WARS2: variants seen among roughly 807,000 people sequenced by gnomAD.
WARS2 encodes tryptophanyl tRNA synthetase 2, mitochondrial, also known as tryptophan--tRNA ligase, mitochondrial.
A neutral mutation model predicts 36.5 loss-of-function variants in WARS2; 28 were observed. That is an observed-to-expected ratio of 0.77 (90% CI 0.57 to 1.05). WARS2 has a LOEUF of 1.05. Among genes scored for constraint, WARS2 ranks in the 50% least tolerant of loss-of-function variants. WARS2 has a pLI of 0.00. For synonymous variants in WARS2, 174 were observed against 178.4 expected (o/e 0.98, Z 0.20); for missense variants, 435 against 456.8 (o/e 0.95, Z 0.44).
At chr1:119,112,472 G>A (rs587696065) in intron 1 of WARS2, among the ~76,000 whole-genome samples, 1 of 152,266 alleles carries the variant, frequency 6.6e-6, no homozygotes, top group South Asian at 2.1e-4. Context: ...ATAAAAACAG[G>A]TGTTAAATCA....
intron 1 of WARS2, among the ~76,000 whole-genome samples, chr1:119,106,523 A>G (rs587771988): frequency 1.3e-5 from 2 of 152,158 alleles, no homozygotes; most frequent in East Asian, 3.9e-4. Context: ...TGTCCCCATA[A>G]TTTTGCCTTT....
chr1:119,098,164 G>A (rs201378961), intron 1 of WARS2, among the ~76,000 whole-genome samples: 1 of 151,962 alleles, frequency 6.6e-6, no homozygotes, highest in East Asian at 2.0e-4. Flanking sequence ...CAGAAGAATC[G>A]CTTGAACCCA....
chr1:119,055,451 A>G (rs1325633818), intron 2 of WARS2, among the ~76,000 whole-genome samples: 1 of 152,134 alleles, frequency 6.6e-6, no homozygotes, highest in Non-Finnish European at 1.5e-5. Context: ...CATCTCTACT[A>G]AAAATACAAA....
chr1:119,083,217 C>A (rs1652348173), intron 1 of WARS2, among the ~76,000 whole-genome samples: 1 of 151,960 alleles, frequency 6.6e-6, no homozygotes, highest in African/African-American at 2.4e-5. Context: ...TGACAGAGCG[C>A]TACTCCATCT....
At chr1:119,063,374 A>T (rs6428790) in intron 2 of WARS2, 1 of 152,092 alleles carries the variant, frequency 6.6e-6, no homozygotes, top group African/African-American at 2.4e-5. Flanking sequence ...CTGACTATGC[A>T]AAACCAATTT....
intron 1 of WARS2, chr1:119,082,400 T>C: frequency 1.0e-6 from 1 of 985,438 alleles, no homozygotes; most frequent in Non-Finnish European, 1.2e-6. Context: ...GTGATGAAAT[T>C]TAGCTATCAG....
At chr1:119,128,847 C>T (rs1655882049) in intron 1 of WARS2, among the ~76,000 whole-genome samples, 1 of 151,956 alleles carries the variant, frequency 6.6e-6, no homozygotes, top group Non-Finnish European at 1.5e-5. Context: ...GACCAAAAAC[C>T]CTGCTAGTTA....
chr1:119,128,533 G>C (rs1044775902), intron 1 of WARS2, among the ~76,000 whole-genome samples: 1 of 151,944 alleles, frequency 6.6e-6, no homozygotes, highest in Non-Finnish European at 1.5e-5. Flanking sequence ...GGTTTGAACT[G>C]AGAGAAGTTT....
chr1:119,085,504 C>A (rs894185209), intron 1 of WARS2: 97 of 1,584,930 alleles, frequency 6.1e-5, no homozygotes, highest in Non-Finnish European at 8.0e-5. Context: ...GGTTTTTCAT[C>A]TTCAGAGCTC....
chr1:119,054,283 A>G (rs1276439842), intron 2 of WARS2, among the ~76,000 whole-genome samples: 3 of 152,016 alleles, frequency 2.0e-5, no homozygotes, highest in Admixed American at 6.6e-5. Context: ...GCCAACAAAC[A>G]TATGAAAGAG....
At chr1:119,109,633 T>C (rs962452566) in intron 1 of WARS2, among the ~76,000 whole-genome samples, 1 of 151,926 alleles carries the variant, frequency 6.6e-6, no homozygotes. Flanking sequence ...TTGATTCTTG[T>C]TGGTTTTTTT....
At chr1:119,034,236 A>T in intron 4 of WARS2, 23 bp from the exon 5 acceptor site, 1 of 1,582,776 alleles carries the variant, frequency 6.3e-7, no homozygotes, top group Non-Finnish European at 8.7e-7. Flanking sequence ...ACAGACAGAA[A>T]AACAACAGCA....
intron 1 of WARS2, among the ~76,000 whole-genome samples, chr1:119,078,557 G>A (rs1651914238): frequency 6.6e-6 from 1 of 151,952 alleles, no homozygotes; most frequent in African/African-American, 2.4e-5. Context: ...TCTCATTATG[G>A]TTTAACTCTC....
intron 1 of WARS2, among the ~76,000 whole-genome samples, chr1:119,095,046 T>C (rs1653325997): frequency 6.6e-6 from 1 of 152,176 alleles, no homozygotes; most frequent in African/African-American, 2.4e-5. Flanking sequence ...ATTAATTTTC[T>C]TTTGGAGGTT....
chr1:119,035,376 CCTTT>C (rs1647789317), intron 4 of WARS2, among the ~76,000 whole-genome samples: 1 of 152,060 alleles, frequency 6.6e-6, no homozygotes, highest in African/African-American at 2.4e-5. Context: ...AGTTTCTTAC[CCTTT>C]CTAAGCCTTC....
chr1:119,051,562 G>A (rs917592952), intron 2 of WARS2, among the ~76,000 whole-genome samples: 11 of 151,982 alleles, frequency 7.2e-5, no homozygotes, highest in Non-Finnish European at 1.5e-4. Context: ...CCCAGTAATG[G>A]GATTACTGGG....
At chr1:119,079,954 A>T (rs1169099061) in intron 1 of WARS2, among the ~76,000 whole-genome samples, 6 of 152,318 alleles carry the variant, frequency 3.9e-5, no homozygotes, top group Non-Finnish European at 7.3e-5. Context: ...TTTTAAAATA[A>T]TTCCTACTTG....
At chr1:119,038,806 G>A (rs1483552713) in intron 4 of WARS2, among the ~76,000 whole-genome samples, 3 of 152,002 alleles carry the variant, frequency 2.0e-5, no homozygotes, top group African/African-American at 7.3e-5. Flanking sequence ...TCAGCCTCCC[G>A]AGTAGCTGGG....
intron 1 of WARS2, among the ~76,000 whole-genome samples, chr1:119,100,352 C>G (rs959698894): frequency 3.3e-5 from 5 of 152,116 alleles, no homozygotes; most frequent in African/African-American, 1.2e-4. Flanking sequence ...GGAATGGAAA[C>G]TAGTACAGCT....
Sources: allele counts gnomAD v4.1 joint callset (sites outside exome capture counted in the v4.1 genomes callset), GRCh38; gene constraint gnomAD v4.1.1; transcripts MANE v1.5; gene names NCBI Gene and HGNC (gene_info 2026-07-23, HGNC 2026-07-21).